TBX15: variants seen among roughly 807,000 people sequenced by gnomAD.
TBX15 encodes the protein T-box transcription factor 15, also known as T-box transcription factor TBX15.
Under a neutral mutation model 53.9 loss-of-function variants are expected in TBX15, and 18 were observed. The ratio of observed to expected loss-of-function variants is 0.33; its 90% CI spans 0.23 to 0.49. The LOEUF (loss-of-function observed/expected upper bound fraction) is 0.49, where lower values mean the gene tolerates loss of function less well. Among genes scored for constraint, TBX15 ranks in the 20% least tolerant of loss-of-function variants. The probability of loss-of-function intolerance (pLI) is 0.98; values close to 1 mark genes in which losing one functional copy is unlikely to be tolerated. For missense variants in TBX15, 692 were observed against 749.5 expected (o/e 0.92, Z 0.90); for synonymous variants, 295 against 278.0 (o/e 1.06, Z -0.61).
intron 1 of TBX15, among the ~76,000 whole-genome samples, chr1:118,981,621 A>C (rs1465752404): frequency 6.6e-6 from 1 of 152,240 alleles, no homozygotes. Flanking sequence ...CCTGCCTAAA[A>C]GTGAAGCCAT....
intron 6 of TBX15, 83 bp downstream of exon 6, chr1:118,914,032 G>T: frequency 1.4e-6 from 2 of 1,434,336 alleles, no homozygotes; most frequent in Non-Finnish European, 2.0e-6. Context: ...TTTTCTAAAA[G>T]GCAGGAGCCA....
intron 6 of TBX15, among the ~76,000 whole-genome samples, chr1:118,903,293 T>C (rs548760864): frequency 8.7e-4 from 133 of 152,276 alleles, no homozygotes; most frequent in Middle Eastern, 3.4e-3. Context: ...AAATTGATGA[T>C]GGCTTGAAAT....
chr1:118,979,053 G>C (rs891974232), intron 1 of TBX15, among the ~76,000 whole-genome samples: 1 of 152,178 alleles, frequency 6.6e-6, no homozygotes, highest in African/African-American at 2.4e-5. Flanking sequence ...CTGTATCCTG[G>C]AGAGATTAAA....
intron 6 of TBX15, among the ~76,000 whole-genome samples, chr1:118,911,891 A>G (rs1162517591): frequency 6.6e-6 from 1 of 152,164 alleles, no homozygotes; most frequent in Non-Finnish European, 1.5e-5. Flanking sequence ...CCCTATTCAC[A>G]CTGTAAAAGT....
At chr1:118,939,407 CA>C (rs869094141) in intron 1 of TBX15, among the ~76,000 whole-genome samples, 26 of 8,884 alleles carry the variant, frequency 2.9e-3, no homozygotes, top group South Asian at 6.5e-3. Flanking sequence ...GATCTAGTCT[CA>C]AAAAAAAAAA....
rs774427470 is a variant in TBX15 at position 118,884,543 on chromosome 1, A to T, written c.*189T>A. The T allele has an allele frequency of 4.3e-6, 3 of 691,448 alleles. No individual in the cohort carries two copies. Among genetic ancestry groups the T allele is most frequent in the Non-Finnish European group, 7.1e-6 (3 of 424,808 alleles). 42.8% of individuals were successfully genotyped at this position (691,448 alleles called of 1,614,324 possible). ...TGGCCACTGAGTTGCGGATGATTCT[A>T]TCGCAAGTATCCTTCACTGGCTTAA... On this transcript the variant is annotated 3_prime_UTR_variant, in exon 8 of 8. Transcript: ENST00000369429.
At position 118,931,761 on chromosome 1, in the gene TBX15, T is replaced by G. The variant is rs757387846; in HGVS notation, c.277A>C (p.Thr93Pro). 1.2e-6 allele frequency: 2 copies of G among 1,612,744 alleles called. No homozygotes were observed. The highest frequency in any genetic ancestry group is 2.2e-5 in the South Asian group (2 of 90,824). Residue 93 changes from threonine to proline, a missense_variant, in exon 2 of 8, where the codon ACT becomes CCT. Physicochemically the swap from Thr to Pro is conservative, Grantham distance 38. This residue lies in a region of TBX15 where 307 missense variants were observed against 347.5 expected (regional missense o/e 0.88). Transcript: ENST00000369429. ...ERTSCSFSTHTDLASGAAGPV... is the reference protein window; with the variant it reads ...ERTSCSFSTHPDLASGAAGPV... ...CCTGCAGCACCAGAGGCCAGGTCAG[T>G]GTGAGTACTGAAGGAGCAGGAAGTC...
chr1:118,887,005 A>G (rs1437781503), intron 7 of TBX15, among the ~76,000 whole-genome samples: 2 of 152,228 alleles, frequency 1.3e-5, no homozygotes, highest in Non-Finnish European at 2.9e-5. Context: ...AAGAAGGCCA[A>G]AAATGACCTT....
chr1:118,945,837 T>G (rs974670366), intron 1 of TBX15, among the ~76,000 whole-genome samples: 2 of 152,238 alleles, frequency 1.3e-5, no homozygotes, highest in Non-Finnish European at 2.9e-5. Context: ...CACCAACCAG[T>G]CAAAAATCCT....
At chr1:118,930,571 A>T (rs1655746010) in intron 2 of TBX15, among the ~76,000 whole-genome samples, 1 of 152,102 alleles carries the variant, frequency 6.6e-6, no homozygotes, top group African/African-American at 2.4e-5. Context: ...ACCCATCACC[A>T]CATCCAGGTA....
chr1:118,984,090 A>C (rs183230699), intron 1 of TBX15, among the ~76,000 whole-genome samples: 2 of 152,378 alleles, frequency 1.3e-5, no homozygotes, highest in East Asian at 3.9e-4. Context: ...TCCAAAGAAG[A>C]AAGTGCCCTG....
chr1:118,926,513 T>A lies in TBX15; in HGVS notation c.518A>T (p.Tyr173Phe). ...CACATCCCAGAGTTATTGTTACCTG[T>A]ATCTTTTATTGTCCACAGGCACAAT... Reference protein sequence around the residue: ...MDIVPVDNKRYRYVYHSSKWM... With the variant: ...MDIVPVDNKRFRYVYHSSKWM... The change falls in exon 3 of 8, where the codon TAC becomes TTC. Residue 173 changes from tyrosine (Y) to phenylalanine (F), a missense_variant. Transcript: ENST00000369429. 1 of 1,612,978 alleles carries A rather than the reference T, an allele frequency of 6.2e-7. No homozygotes were observed. The highest frequency in any genetic ancestry group is 8.5e-7 in the Non-Finnish European group (1 of 1,179,120).
At chr1:118,946,652 G>A (rs1157333991) in intron 1 of TBX15, among the ~76,000 whole-genome samples, 3 of 152,104 alleles carry the variant, frequency 2.0e-5, no homozygotes, top group South Asian at 2.1e-4. Flanking sequence ...GAAGAGGAAG[G>A]GATTGTGTTT....
At chr1:118,891,902 A>T (rs1375904009) in intron 7 of TBX15, among the ~76,000 whole-genome samples, 1 of 152,108 alleles carries the variant, frequency 6.6e-6, no homozygotes, top group Admixed American at 6.6e-5. Context: ...TTTGGGTTTT[A>T]TTTTATTTAC....
At chr1:118,905,623 T>C (rs1186616277) in intron 6 of TBX15, among the ~76,000 whole-genome samples, 1 of 152,200 alleles carries the variant, frequency 6.6e-6, no homozygotes, top group East Asian at 1.9e-4. Flanking sequence ...CCAGCACTGA[T>C]TACTTCCATA....
At position 118,893,406 on chromosome 1, in the gene TBX15, AAAGG is replaced by A. The variant is rs1209014930; in HGVS notation, c.1024+5618_1024+5621del. Among the ~76,000 whole-genome samples the A allele has an allele frequency of 2.5e-3, 301 of 119,152 alleles. 42 individuals carry two copies. Among genetic ancestry groups the A allele is most frequent in the African/African-American group, 9.8e-3 (258 of 26,242 alleles). 78.2% of individuals were successfully genotyped at this position (119,152 alleles called of 152,430 possible). ...GAAAGAAAGAAAGAAAGAAAGAAAG[AAAGG>A]AAGAAGGAAAGAAAGATGGAAGGAA... On this transcript the variant is annotated intron_variant, in intron 7 of 7. Transcript: ENST00000369429.
At chr1:118,913,676 T>C (rs1180725370) in intron 6 of TBX15, among the ~76,000 whole-genome samples, 1 of 152,206 alleles carries the variant, frequency 6.6e-6, no homozygotes, top group East Asian at 1.9e-4. Flanking sequence ...AGAAAAACAG[T>C]TACATTTTTT....
chr1:118,978,236 C>A (rs1351856692), intron 1 of TBX15, among the ~76,000 whole-genome samples: 1 of 152,190 alleles, frequency 6.6e-6, no homozygotes, highest in African/African-American at 2.4e-5. Flanking sequence ...CTCTAAAAAT[C>A]TCTCTCTTTT....
intron 1 of TBX15, among the ~76,000 whole-genome samples, chr1:118,987,159 T>G (rs78368506): frequency 0.043 from 6,476 of 152,256 alleles, 187 homozygotes; most frequent in Non-Finnish European, 0.066. Flanking sequence ...ATGAGACAAC[T>G]GGTCATTCCC....
Sources: gnomAD v4.1 joint callset for allele counts (sites outside exome capture counted in the v4.1 genomes callset) on GRCh38, gnomAD v4.1.1 for gene constraint, gnomAD v4.1.1 regional missense constraint, MANE v1.5 for transcripts, NCBI Gene and HGNC (gene_info 2026-07-23, HGNC 2026-07-21) for gene names.